The following GLIS3 variants were observed in gnomAD, a reference collection of about 807,000 sequenced individuals.
The protein encoded by GLIS3 is GLIS family zinc finger 3.
A neutral mutation model predicts 78.6 loss-of-function variants in GLIS3; 53 were observed. That is an observed-to-expected ratio of 0.67 (90% confidence interval 0.54 to 0.85). The LOEUF (loss-of-function observed/expected upper bound fraction) is 0.85, where lower values mean the gene tolerates loss of function less well. GLIS3 is among the 40% of genes least tolerant of loss of function. The probability of loss-of-function intolerance (pLI) is 0.00; values close to 1 mark genes in which losing one functional copy is unlikely to be tolerated. For synonymous variants in GLIS3, 684 were observed against 509.9 expected, an observed-to-expected ratio of 1.34 and a Z score of -4.60; for missense variants, 1,703 against 1,231.1, an observed-to-expected ratio of 1.38 and a Z score of -5.74.
intron 4 of GLIS3, among the ~76,000 whole-genome samples, chr9:4,085,989 T>C (rs1408174525): frequency 6.6e-6 from 1 of 152,174 alleles, no homozygotes; most frequent in East Asian, 1.9e-4. Context: ...CCTAATACAA[T>C]TATCCTTCTA....
intron 4 of GLIS3, among the ~76,000 whole-genome samples, chr9:4,032,009 C>T (rs1823876786): frequency 6.6e-6 from 1 of 152,130 alleles, no homozygotes; most frequent in Non-Finnish European, 1.5e-5. Flanking sequence ...ATCAAAGGAG[C>T]CCAGGAGGTC....
chr9:4,000,486 T>A (rs1821053197), intron 4 of GLIS3, among the ~76,000 whole-genome samples: 1 of 152,178 alleles, frequency 6.6e-6, no homozygotes, highest in South Asian at 2.1e-4. Flanking sequence ...ATTTTATTTA[T>A]TATTCTTACT....
At chr9:4,381,762 T>C in the GLIS3 span, among the ~76,000 whole-genome samples, 1 of 152,238 alleles carries the variant, frequency 6.6e-6, no homozygotes, top group Non-Finnish European at 1.5e-5. Flanking sequence ...CAAACTCCAT[T>C]TTCCAGACTC....
At chr9:4,303,895 A>G (rs768184564), upstream of GLIS3, among the ~76,000 whole-genome samples, 2 of 152,276 alleles carry the variant, frequency 1.3e-5, no homozygotes, top group African/African-American at 4.8e-5. Context: ...TTCTTTCACC[A>G]TTTAACATCT....
intron 6 of GLIS3, among the ~76,000 whole-genome samples, chr9:3,925,088 A>G (rs1825131390): frequency 6.6e-6 from 1 of 152,122 alleles, no homozygotes; most frequent in Non-Finnish European, 1.5e-5. Flanking sequence ...TTTCAGGGGG[A>G]ATAGAAATAA....
At chr9:4,400,992 T>C in the GLIS3 span, among the ~76,000 whole-genome samples, 1 of 152,172 alleles carries the variant, frequency 6.6e-6, no homozygotes, top group Admixed American at 6.5e-5. Flanking sequence ...TCTTAGCTAC[T>C]GTGGCTATGA....
intron 4 of GLIS3, among the ~76,000 whole-genome samples, chr9:4,109,454 G>A (rs1036459950): frequency 3.3e-5 from 5 of 152,118 alleles, no homozygotes; most frequent in East Asian, 1.9e-4. Flanking sequence ...CTACATTTAC[G>A]TGTTTCCCTA....
At chr9:4,399,292 G>T in the GLIS3 span, among the ~76,000 whole-genome samples, 1 of 152,152 alleles carries the variant, frequency 6.6e-6, no homozygotes, top group Non-Finnish European at 1.5e-5. Context: ...TTATCAACTT[G>T]GGGTAAATAG....
At chr9:4,407,620 C>A in the GLIS3 span, among the ~76,000 whole-genome samples, 2 of 152,142 alleles carry the variant, frequency 1.3e-5, no homozygotes, top group African/African-American at 2.4e-5. Flanking sequence ...GCACTCCAGC[C>A]TGGGAGACAG....
At chr9:4,009,757 C>T in intron 4 of GLIS3, among the ~76,000 whole-genome samples, 1 of 152,236 alleles carries the variant, frequency 6.6e-6, no homozygotes, top group East Asian at 1.9e-4. Context: ...CTGACAGCCT[C>T]AGGCACAGGA....
At chr9:4,327,143 T>C (rs929933869) in intron 2 of GLIS3, among the ~76,000 whole-genome samples, 2 of 152,078 alleles carry the variant, frequency 1.3e-5, no homozygotes, top group East Asian at 1.9e-4. Context: ...TGAGAGTTAA[T>C]GATGCAGTTG....
intron 6 of GLIS3, among the ~76,000 whole-genome samples, chr9:3,903,011 G>A (rs1027304239): frequency 2.6e-5 from 4 of 152,080 alleles, no homozygotes; most frequent in Non-Finnish European, 5.9e-5. Flanking sequence ...ATACTGGGAA[G>A]GTAAGTTCCA....
chr9:4,126,322 A>C (rs937298533), intron 2 of GLIS3, among the ~76,000 whole-genome samples: 2 of 152,234 alleles, frequency 1.3e-5, no homozygotes, highest in African/African-American at 2.4e-5. Context: ...CCCAGCAAGG[A>C]AAGTTGACAC....
intron 7 of GLIS3, among the ~76,000 whole-genome samples, chr9:3,889,417 T>C (rs999995684): frequency 2.0e-5 from 3 of 152,228 alleles, no homozygotes; most frequent in African/African-American, 7.2e-5. Flanking sequence ...AGCTTTGCCA[T>C]TATCTGTTTT....
chr9:4,021,158 CATGTATATGTAT>C lies in GLIS3; in HGVS notation c.1711-83981_1711-83970del, dbSNP rs58891006. ...ACTATAGTATGCTATAATATCTGTACATGTATATGTATATGTATATGTATATGTGTATACACA... is the reference window on the plus strand; with the variant it reads ...ACTATAGTATGCTATAATATCTGTACATGTATATGTATATGTGTATACACA... On this transcript the variant is annotated intron_variant, in intron 4 of 10. Coordinates refer to ENST00000381971, the MANE Select transcript of GLIS3 (RefSeq NM_001042413.2). Among the ~76,000 whole-genome samples, 316 of 150,592 alleles carry C rather than the reference CATGTATATGTAT, an allele frequency of 2.1e-3. 2 individuals are homozygous for C. The highest frequency in any genetic ancestry group is 7.1e-3 in the African/African-American group (293 of 41,190).
intron 2 of GLIS3, among the ~76,000 whole-genome samples, chr9:4,254,326 T>C (rs1824702141): frequency 6.6e-6 from 1 of 152,216 alleles, no homozygotes; most frequent in Non-Finnish European, 1.5e-5. Flanking sequence ...AAGAAACGTG[T>C]TGGATCTGTC....
chr9:4,038,353 TC>T (rs1284908296), intron 4 of GLIS3, among the ~76,000 whole-genome samples: 2 of 152,262 alleles, frequency 1.3e-5, no homozygotes, highest in East Asian at 3.9e-4. Context: ...ATTACATGAG[TC>T]ACTGTAGTTT....
intron 4 of GLIS3, among the ~76,000 whole-genome samples, chr9:3,989,409 G>A (rs1247124128): frequency 1.3e-5 from 2 of 152,132 alleles, no homozygotes; most frequent in African/African-American, 4.8e-5. Context: ...CCAGAGAAAT[G>A]AAAATTATGT....
chr9:3,933,461 T>C (rs1421814528), intron 5 of GLIS3, among the ~76,000 whole-genome samples: 1 of 152,210 alleles, frequency 6.6e-6, no homozygotes, highest in Non-Finnish European at 1.5e-5. Flanking sequence ...TTATCAAAAG[T>C]TTGAGGCTAT....
Sources: gnomAD v4.1 joint callset for allele counts (sites outside exome capture counted in the v4.1 genomes callset) on GRCh38, gnomAD v4.1.1 for gene constraint, MANE v1.5 for transcripts, NCBI Gene and HGNC (gene_info 2026-07-23, HGNC 2026-07-21) for gene names.